Variants in OSBPL1A observed in about 807,000 individuals in gnomAD.
OSBPL1A encodes oxysterol-binding protein-related protein 1.
In OSBPL1A, 80 loss-of-function variants were observed where a neutral mutation model predicts 137.1. That is an observed-to-expected ratio of 0.58 (90% CI 0.49 to 0.70). The LOEUF (loss-of-function observed/expected upper bound fraction) is 0.70, where lower values mean the gene tolerates loss of function less well. Ranked by LOEUF, OSBPL1A falls within the 30% of genes least tolerant of loss-of-function variation. The pLI, the probability that OSBPL1A is intolerant of heterozygous loss-of-function variation, is 0.00. For synonymous variants in OSBPL1A, 365 were observed against 389.7 expected (o/e 0.94, Z 0.75); for missense variants, 970 against 1,129.4 (o/e 0.86, Z 2.02).
chr18:24,335,804 T>C (rs529044867), intron 5 of OSBPL1A, among the ~76,000 whole-genome samples: 1 of 152,364 alleles, frequency 6.6e-6, no homozygotes, highest in East Asian at 1.9e-4. Context: ...GCATTTAAAC[T>C]ACAGGGAACA....
chr18:24,238,820 G>A (rs778093166), intron 16 of OSBPL1A, among the ~76,000 whole-genome samples: 4 of 152,132 alleles, frequency 2.6e-5, no homozygotes, highest in Non-Finnish European at 5.9e-5. Context: ...AAGCACTTGC[G>A]CTTCGTTACC....
chr18:24,204,601 A>C (rs1475374188), intron 17 of OSBPL1A, among the ~76,000 whole-genome samples: 1 of 148,368 alleles, frequency 6.7e-6, no homozygotes, highest in Non-Finnish European at 1.5e-5. Context: ...TCTCTAAATG[A>C]TATATATATA....
chr18:24,385,700 C>T (rs182936968), intron 1 of OSBPL1A, among the ~76,000 whole-genome samples: 3 of 152,256 alleles, frequency 2.0e-5, no homozygotes, highest in East Asian at 3.9e-4. Flanking sequence ...AGGCCACTGA[C>T]GAGCTCCAAG....
intron 17 of OSBPL1A, among the ~76,000 whole-genome samples, chr18:24,202,909 A>T (rs1235833238): frequency 1.3e-5 from 2 of 152,248 alleles, no homozygotes; most frequent in African/African-American, 2.4e-5. Context: ...TCTCGGGCAT[A>T]TGCCAAATGG....
chr18:24,341,294 A>T (rs564350729), intron 5 of OSBPL1A, among the ~76,000 whole-genome samples: 2 of 152,226 alleles, frequency 1.3e-5, no homozygotes, highest in African/African-American at 2.4e-5. Flanking sequence ...GGCGTGAGCC[A>T]CCGCACCCAG....
At chr18:24,381,532 T>C (rs1410110565) in intron 1 of OSBPL1A, among the ~76,000 whole-genome samples, 3 of 152,234 alleles carry the variant, frequency 2.0e-5, no homozygotes, top group Admixed American at 6.5e-5. Flanking sequence ...CTAACAGTGA[T>C]TGTAATGCCC....
intron 23 of OSBPL1A, among the ~76,000 whole-genome samples, chr18:24,171,021 T>C (rs975348081): frequency 1.5e-4 from 22 of 151,690 alleles, no homozygotes; most frequent in African/African-American, 4.6e-4. Context: ...GCTTGTTTCC[T>C]AGGTTATGGC....
rs2086251426 is a variant in OSBPL1A at position 24,170,530 on chromosome 18, G to GCGGT, written c.2292-81_2292-78dup. ...AGCCGACAGCACCTGGTATTCCCAG[G>GCGGT]CGGTCTCCCATCCGAGTACTAACCA... On this transcript the variant is annotated intron_variant, in intron 23 of 27. Transcript: ENST00000319481. The GCGGT allele has an allele frequency of 2.5e-6, 4 of 1,570,630 alleles. No individual in the cohort carries two copies. The South Asian group carries it at 4.5e-5, about 18-fold the overall frequency.
chr18:24,163,366 A>G, intron 27 of OSBPL1A, 85 bp from the exon 28 acceptor site: 2 of 953,702 alleles, frequency 2.1e-6, no homozygotes, highest in Non-Finnish European at 3.3e-6. Context: ...GTATTATTCT[A>G]TTGCAGCAAC....
rs1265553933 is a variant in OSBPL1A at position 24,271,634 on chromosome 18, C to A, written c.1281+9208G>T. ...TACACCCACCTACCTGGGCCAGATC[C>A]GAGGACCCCGGCTGGCGCGCTCCAC... On this transcript the variant is annotated intron_variant, in intron 15 of 27. Coordinates refer to ENST00000319481, the MANE Select transcript of OSBPL1A (RefSeq NM_080597.4). This position sits in a 1 kb window ranked among gnomAD's most constrained non-coding sequence, Gnocchi z 4.0. 10 of 985,674 alleles carry A rather than the reference C, an allele frequency of 1.0e-5. No individual in the cohort carries two copies. The highest frequency in any genetic ancestry group is 9.6e-6 in the Non-Finnish European group (8 of 830,214). 61.1% of individuals were successfully genotyped at this position (985,674 alleles called of 1,614,324 possible). A position where few individuals can be genotyped will look rare whatever the true frequency, so the allele number is the denominator to read the frequency against.
intron 15 of OSBPL1A, among the ~76,000 whole-genome samples, chr18:24,240,206 G>T (rs997703622): frequency 6.6e-6 from 1 of 152,100 alleles, no homozygotes; most frequent in Non-Finnish European, 1.5e-5. Flanking sequence ...TTACAGGCCT[G>T]AGCCACCATG....
At chr18:24,284,150 A>C (rs772320558) in intron 14 of OSBPL1A, among the ~76,000 whole-genome samples, 1 of 152,294 alleles carries the variant, frequency 6.6e-6, no homozygotes, top group Admixed American at 6.5e-5. Context: ...GCCACACTGC[A>C]GTGTAGCACA....
chr18:24,211,391 C>T (rs138257959), intron 17 of OSBPL1A, among the ~76,000 whole-genome samples: 181 of 152,296 alleles, frequency 1.2e-3, no homozygotes, highest in Non-Finnish European at 1.9e-3. Context: ...ACTGGATTCT[C>T]ATAACTGTTT....
intron 2 of OSBPL1A, among the ~76,000 whole-genome samples, chr18:24,371,616 G>A (rs1468046755): frequency 1.3e-5 from 2 of 152,098 alleles, no homozygotes; most frequent in African/African-American, 4.8e-5. Context: ...CATCTAAAGA[G>A]GAAACATAAA....
chr18:24,309,975 A>G (rs1737754911), intron 13 of OSBPL1A, among the ~76,000 whole-genome samples: 1 of 144,418 alleles, frequency 6.9e-6, no homozygotes, highest in African/African-American at 2.6e-5. Context: ...TGAACCCGGG[A>G]GGCGGAAGTT....
intron 17 of OSBPL1A, among the ~76,000 whole-genome samples, chr18:24,223,568 GA>G (rs921132125): frequency 9.9e-5 from 15 of 152,028 alleles, no homozygotes; most frequent in Admixed American, 2.0e-4. Flanking sequence ...ATTTGTTTTT[GA>G]AAGTTTAATC....
At chr18:24,287,838 G>C (rs1300418256) in intron 14 of OSBPL1A, among the ~76,000 whole-genome samples, 2 of 132,736 alleles carry the variant, frequency 1.5e-5, no homozygotes, top group African/African-American at 2.6e-5. Flanking sequence ...AGAAGTAAAA[G>C]TGAGCAATAA....
intron 14 of OSBPL1A, among the ~76,000 whole-genome samples, chr18:24,287,666 G>C (rs968924516): frequency 1.3e-5 from 2 of 152,046 alleles, no homozygotes; most frequent in Non-Finnish European, 2.9e-5. Context: ...CCAGCTACCC[G>C]GGAGGCTGAG....
intron 1 of OSBPL1A, among the ~76,000 whole-genome samples, chr18:24,393,074 A>AT (rs1220245774): frequency 6.6e-6 from 1 of 152,234 alleles, no homozygotes; most frequent in Non-Finnish European, 1.5e-5. Flanking sequence ...AAGTAACTAC[A>AT]TAAAAACATG....
Sources: gnomAD v4.1 joint callset for allele counts (sites outside exome capture counted in the v4.1 genomes callset) on GRCh38, gnomAD v4.1.1 for gene constraint, Gnocchi (gnomAD v3.1) non-coding constraint, MANE v1.5 for transcripts, NCBI Gene and HGNC (gene_info 2026-07-23, HGNC 2026-07-21) for gene names.